The following VSTM4 variants were observed in gnomAD, a reference collection of about 807,000 sequenced individuals.
The protein encoded by VSTM4 is V-set and transmembrane domain-containing protein 4.
A neutral mutation model predicts 36.4 loss-of-function variants in VSTM4; 20 were observed. That is an observed-to-expected ratio of 0.55 (90% CI 0.39 to 0.80). The LOEUF is 0.80. VSTM4 is among the 30% of genes least tolerant of loss of function. VSTM4 has a pLI of 0.00. For missense variants in VSTM4, 392 were observed against 404.5 expected (o/e 0.97, Z 0.26); for synonymous variants, 182 against 173.9 (o/e 1.05, Z -0.37).
At chr10:49,020,811 A>G (rs1843172629) in intron 7 of VSTM4, among the ~76,000 whole-genome samples, 1 of 151,952 alleles carries the variant, frequency 6.6e-6, no homozygotes, top group Non-Finnish European at 1.5e-5. Flanking sequence ...AAGAGAGGAT[A>G]TCATTTATTA....
chr10:49,093,479 TA>T (rs1198904205), intron 2 of VSTM4, among the ~76,000 whole-genome samples: 1 of 152,214 alleles, frequency 6.6e-6, no homozygotes, highest in African/African-American at 2.4e-5. Flanking sequence ...CAATGATTTT[TA>T]AAAGAGCAGA....
chr10:49,049,335 A>T (rs188464907), intron 5 of VSTM4, among the ~76,000 whole-genome samples: 2 of 152,214 alleles, frequency 1.3e-5, no homozygotes, highest in Admixed American at 6.5e-5. Context: ...AATAGGCTAC[A>T]TGATTGCTCT....
At chr10:49,080,148 A>T (rs971429624) in intron 3 of VSTM4, among the ~76,000 whole-genome samples, 2 of 152,184 alleles carry the variant, frequency 1.3e-5, no homozygotes, top group Non-Finnish European at 2.9e-5. Flanking sequence ...ATATGTTCTC[A>T]AGATTAAGTT....
At chr10:49,021,403 T>C (rs1464239868) in intron 7 of VSTM4, among the ~76,000 whole-genome samples, 3 of 152,094 alleles carry the variant, frequency 2.0e-5, no homozygotes, top group Non-Finnish European at 4.4e-5. Context: ...TGTGTGTACA[T>C]TTTCATGCTA....
At chr10:49,062,257 T>C (rs556780744) in intron 5 of VSTM4, among the ~76,000 whole-genome samples, 2 of 152,354 alleles carry the variant, frequency 1.3e-5, no homozygotes, top group African/African-American at 4.8e-5. Context: ...CTCTACCATA[T>C]GTACTCCTAT....
chr10:49,021,288 T>C (rs1423857405), intron 7 of VSTM4, among the ~76,000 whole-genome samples: 1 of 152,046 alleles, frequency 6.6e-6, no homozygotes, highest in Non-Finnish European at 1.5e-5. Context: ...AAAATAAACC[T>C]ATAAAAGTAC....
intron 3 of VSTM4, 57 bp from the exon 4 acceptor site, chr10:49,077,383 G>A (rs1432025713): frequency 8.1e-6 from 12 of 1,478,318 alleles, no homozygotes; most frequent in South Asian, 4.5e-5. Context: ...GCAGAAGTGC[G>A]CTGGCAAGAG....
intron 7 of VSTM4, among the ~76,000 whole-genome samples, chr10:49,020,808 G>T (rs1226015709): frequency 6.6e-6 from 1 of 151,244 alleles, no homozygotes; most frequent in South Asian, 2.1e-4. Flanking sequence ...AGGAAGAGAG[G>T]ATATCATTTA....
chr10:49,108,582 G>A (rs957571644), intron 1 of VSTM4, among the ~76,000 whole-genome samples: 12 of 152,198 alleles, frequency 7.9e-5, no homozygotes, highest in Non-Finnish European at 1.8e-4. Context: ...TAGTAAGGTC[G>A]GATGTGAGCT....
At chr10:49,074,963 A>G (rs1229329126) in intron 4 of VSTM4, among the ~76,000 whole-genome samples, 1 of 152,086 alleles carries the variant, frequency 6.6e-6, no homozygotes, top group Non-Finnish European at 1.5e-5. Flanking sequence ...GTCAGGTAAG[A>G]GCATTGTCGC....
chr10:49,074,904 C>G (rs1237190425), intron 4 of VSTM4, among the ~76,000 whole-genome samples: 2 of 151,892 alleles, frequency 1.3e-5, no homozygotes, highest in Non-Finnish European at 2.9e-5. Flanking sequence ...CTCAACTTCA[C>G]CCTACCGCTC....
At chr10:49,094,052 A>T (rs1028779727) in intron 2 of VSTM4, among the ~76,000 whole-genome samples, 2 of 152,112 alleles carry the variant, frequency 1.3e-5, no homozygotes, top group African/African-American at 2.4e-5. Flanking sequence ...CGGCCGTCAT[A>T]GTTACTCTTA....
At chr10:49,082,429 C>T (rs188029968) in intron 3 of VSTM4, among the ~76,000 whole-genome samples, 8 of 152,242 alleles carry the variant, frequency 5.3e-5, no homozygotes, top group Admixed American at 3.9e-4. Context: ...TGTGGGAGGC[C>T]GAGGCAGACC....
rs1251126895 is a variant in VSTM4 at position 49,064,751 on chromosome 10, A to C, written c.635-15T>G. Reference sequence around the variant, plus strand: ...ATAATGTCTCACTGTGAAAGGAAAAATAATAGAAGATGGTAAACCAATGCT... The same window carrying C: ...ATAATGTCTCACTGTGAAAGGAAAACTAATAGAAGATGGTAAACCAATGCT... On this transcript the variant is annotated splice_polypyrimidine_tract_variant and intron_variant, in intron 4 of 7. Transcript: ENST00000332853. The C allele has an allele frequency of 1.2e-6, 2 of 1,611,470 alleles. No individual in the cohort carries two copies. The highest frequency in any genetic ancestry group is 3.4e-5 in the Admixed American group (2 of 59,284).
intron 2 of VSTM4, among the ~76,000 whole-genome samples, chr10:49,087,852 A>G (rs1012183515): frequency 1.3e-5 from 2 of 150,636 alleles, no homozygotes; most frequent in Non-Finnish European, 1.5e-5. Context: ...AGTCCTTCAG[A>G]TAACAATTAA....
At chr10:49,112,147 G>C (rs1469575044) in intron 1 of VSTM4, among the ~76,000 whole-genome samples, 1 of 152,162 alleles carries the variant, frequency 6.6e-6, no homozygotes, top group East Asian at 1.9e-4. Context: ...CCCTACCCCA[G>C]TCAGGTTCCC....
chr10:49,045,730 C>A (rs1218261155), intron 7 of VSTM4, among the ~76,000 whole-genome samples: 1 of 152,138 alleles, frequency 6.6e-6, no homozygotes, highest in Non-Finnish European at 1.5e-5. Flanking sequence ...CTGGCAGACA[C>A]CACCTTAACC....
chr10:49,078,753 T>C (rs746881684), intron 3 of VSTM4, among the ~76,000 whole-genome samples: 13 of 152,214 alleles, frequency 8.5e-5, no homozygotes, highest in Non-Finnish European at 1.8e-4. Flanking sequence ...TTTGTGATAT[T>C]GTTTTATGGT....
intron 7 of VSTM4, among the ~76,000 whole-genome samples, chr10:49,045,262 C>A (rs750207057): frequency 8.6e-5 from 13 of 151,714 alleles, no homozygotes; most frequent in Non-Finnish European, 1.0e-4. Flanking sequence ...ATAATATTAA[C>A]AACAAAATAA....
Sources: gnomAD v4.1 joint callset for allele counts (sites outside exome capture counted in the v4.1 genomes callset) on GRCh38, gnomAD v4.1.1 for gene constraint, MANE v1.5 for transcripts, NCBI Gene and HGNC (gene_info 2026-07-23, HGNC 2026-07-21) for gene names.